Variants in TLN1 observed in about 807,000 individuals in gnomAD.
TLN1 encodes talin-1.
In TLN1, 56 loss-of-function variants were observed where a neutral mutation model predicts 292.3. That is an observed-to-expected ratio of 0.19 (90% CI 0.15 to 0.24). TLN1 has a LOEUF of 0.24. Ranked by LOEUF, TLN1 falls within the 10% of genes least tolerant of loss-of-function variation. TLN1 has a pLI of 1.00. For synonymous variants in TLN1, 1,119 were observed against 1,253.7 expected (o/e 0.89, Z 2.27); for missense variants, 2,433 against 3,248.2 (o/e 0.75, Z 6.10).
At chr9:35,723,023 G>T in intron 7 of TLN1, 102 bp from the exon 8 acceptor site, 2 of 963,816 alleles carry the variant, frequency 2.1e-6, no homozygotes, top group Non-Finnish European at 3.3e-6. Flanking sequence ...CTAGGACAGT[G>T]TTATCTTTGG....
Position 35,697,742 on chromosome 9 carries a change from G to A in TLN1, c.*49C>T. 1.2e-6 allele frequency: 2 copies of A among 1,604,916 alleles called. No individual in the cohort carries two copies. Among genetic ancestry groups the A allele is most frequent in the Non-Finnish European group, 1.7e-6 (2 of 1,174,870 alleles). On this transcript the variant is annotated 3_prime_UTR_variant, in exon 57 of 57. Coordinates refer to ENST00000314888, the MANE Select transcript of TLN1 (RefSeq NM_006289.4). ...CGACAGCCCAGAAGGCTTTGGTAGTGGCACGCACAGTCTCTGGGCCGGGTC... is the reference window on the plus strand; with the variant it reads ...CGACAGCCCAGAAGGCTTTGGTAGTAGCACGCACAGTCTCTGGGCCGGGTC...
rs150411571 is a variant in TLN1 at position 35,712,104 on chromosome 9, C to T, written c.3582G>A (p.Gln1194=). 205 of 1,613,762 alleles carry T rather than the reference C, an allele frequency of 1.3e-4. No homozygotes were observed. The highest frequency in any genetic ancestry group is 1.6e-4 in the Non-Finnish European group (193 of 1,179,916). ...RLAQVAKAVT[Q]ALNRCVSCLP... ...GGCAGCTGACACAGCGGTTCAGAGCCTGGGTCACTGCTTTAGCCACCTGGG... is the reference window on the plus strand; with the variant it reads ...GGCAGCTGACACAGCGGTTCAGAGCTTGGGTCACTGCTTTAGCCACCTGGG... Residue 1194 remains glutamine, a synonymous_variant, in exon 28 of 57, where the codon CAG becomes CAA. Coordinates refer to ENST00000314888, the MANE Select transcript of TLN1 (RefSeq NM_006289.4).
rs1490913388 is a variant in TLN1, at chr9:35,699,633, G to GT, written c.6769-173dup. ...ACACATCATGCATCACACCTCACAC[G>GT]TGATAGAGACAGTGGGGCTGTGTCA... On this transcript the variant is annotated intron_variant, in intron 50 of 56. Coordinates refer to ENST00000314888, the MANE Select transcript of TLN1 (RefSeq NM_006289.4). This position sits in a 1 kb window ranked among gnomAD's most constrained non-coding sequence, Gnocchi z 4.0. 1.0e-6 allele frequency: 1 copy of GT among 985,236 alleles called. No individual in the cohort carries two copies. Among genetic ancestry groups the GT allele is most frequent in the Non-Finnish European group, 1.2e-6 (1 of 829,930 alleles). The allele number at this position is 985,236 out of a possible 1,614,324, so 61.0% of individuals were successfully genotyped here. A position where few individuals can be genotyped will look rare whatever the true frequency, so the allele number is the denominator to read the frequency against.
chr9:35,698,504 G>A lies in TLN1; in HGVS notation c.7190C>T (p.Ala2397Val). ...GQWSQGLISAARMVAAATNNL... is the reference protein window; with the variant it reads ...GQWSQGLISAVRMVAAATNNL... ...GTTGGTGGCCGCAGCCACCATCCGG[G>A]CCTAAAGCAGGGAGAGTTTGCTTAA... The change falls in exon 55 of 57, where the codon GCC (alanine) becomes GTC (valine). Residue 2397 changes from alanine (A) to valine (V), a missense_variant and splice_region_variant. By Grantham distance (64) the Ala-to-Val change is moderately conservative. Around this residue, in one of 7 missense-constraint regions of TLN1, gnomAD observed 141 missense variants for 248.5 expected, o/e 0.57. Coordinates refer to ENST00000314888, the MANE Select transcript of TLN1 (RefSeq NM_006289.4). The surrounding 1 kb of genome is among the most constrained non-coding windows in gnomAD (Gnocchi z 5.3). 6.2e-7 allele frequency: 1 copy of A among 1,613,712 alleles called. No individual in the cohort carries two copies. The highest frequency in any genetic ancestry group is 1.3e-5 in the African/African-American group (1 of 75,024).
rs1825941909 is a variant in TLN1, at chr9:35,724,932, T to A, written c.256A>T (p.Arg86Ter). The A allele has an allele frequency of 6.2e-7, 1 of 1,614,070 alleles. No individual in the cohort carries two copies. The highest frequency in any genetic ancestry group is 8.5e-7 in the Non-Finnish European group (1 of 1,180,052). The change falls in exon 4 of 57, where the codon AGA becomes TGA. Residue 86 changes from arginine to a stop codon, truncating the protein, a stop_gained. Coordinates refer to ENST00000314888, the MANE Select transcript of TLN1 (RefSeq NM_006289.4). LOFTEE classifies it high-confidence loss of function. This position sits in a 1 kb window ranked among gnomAD's most constrained non-coding sequence, Gnocchi z 4.7. ...TCCAGCATACGGATCTTCAGGGGTC[T>A]CTGTTTCTTCCTGTACTCCATAGTG... ...GDTMEYRKKQ[R>*]PLKIRMLDGT...
In TLN1 at chr9:35,717,334, G is replaced by C; in HGVS notation, c.2270C>G (p.Ala757Gly). 1 of 1,614,160 alleles carries C rather than the reference G, an allele frequency of 6.2e-7. No individual in the cohort carries two copies. The highest frequency in any genetic ancestry group is 2.2e-5 in the East Asian group (1 of 44,886). The part of the protein sequence containing the change: ...VEGCVSASQA[A>G]TEDGQLLRGV... ...TCGCAACAGTTGCCCATCCTCTGTAGCTGCCTGGGAGGCAGACACACAGCC... is the reference window on the plus strand; with the variant it reads ...TCGCAACAGTTGCCCATCCTCTGTACCTGCCTGGGAGGCAGACACACAGCC... Residue 757 changes from alanine to glycine, a missense_variant, in exon 19 of 57, where the codon GCT becomes GGT. Around this residue, in one of 7 missense-constraint regions of TLN1, gnomAD observed 617 missense variants for 770.6 expected, o/e 0.80. Transcript: ENST00000314888. This position sits in a 1 kb window ranked among gnomAD's most constrained non-coding sequence, Gnocchi z 4.7.
rs776744554 is a variant in TLN1, at chr9:35,724,027, C to T, written c.707G>A (p.Cys236Tyr). 6.2e-7 allele frequency: 1 copy of T among 1,614,012 alleles called. No homozygotes were observed. The highest frequency in any genetic ancestry group is 8.5e-7 in the Non-Finnish European group (1 of 1,179,938). The change falls in exon 7 of 57, where the codon TGT becomes TAT. Residue 236 changes from cysteine to tyrosine, a missense_variant. Coordinates refer to ENST00000314888, the MANE Select transcript of TLN1 (RefSeq NM_006289.4). The surrounding 1 kb of genome is among the most constrained non-coding windows in gnomAD (Gnocchi z 4.7). ...GSHPVSFDKA[C>Y]EFAGFQCQIQ... is the part of the protein sequence containing the mutation. The stretch of plus-strand genomic sequence containing the variant: ...CTGGCATTGGAAGCCAGCAAACTCA[C>T]AGGCCTTGTCAAAGGAGACAGGGTG...
intron 20 of TLN1, among the ~76,000 whole-genome samples, 198 bp from the exon 21 acceptor site, chr9:35,715,385 T>C (rs180998612): frequency 7.7e-4 from 117 of 152,374 alleles, no homozygotes; most frequent in African/African-American, 2.3e-3. Context: ...GGGCTAGGAT[T>C]CCCACTGGAT....
rs764249333 is a variant in TLN1 at position 35,707,064 on chromosome 9, C to T, written c.4955+8G>A. 2 of 1,612,186 alleles carry T rather than the reference C, an allele frequency of 1.2e-6. No homozygotes were observed. Among genetic ancestry groups the T allele is most frequent in the Non-Finnish European group, 1.7e-6 (2 of 1,179,520 alleles). On this transcript the variant is annotated splice_region_variant and intron_variant, in intron 37 of 56. Coordinates refer to ENST00000314888, the MANE Select transcript of TLN1 (RefSeq NM_006289.4). This position sits in a 1 kb window ranked among gnomAD's most constrained non-coding sequence, Gnocchi z 5.6. ...CCCCAGCCACACTGGTTCCCCATCC[C>T]TCAATACCTCATGCTTGTAATTAGC...
chr9:35,726,738 T>C (rs760989725), intron 1 of TLN1, among the ~76,000 whole-genome samples: 5 of 152,142 alleles, frequency 3.3e-5, no homozygotes, highest in Non-Finnish European at 5.9e-5. Context: ...AAGCTAGAAA[T>C]GTGATTCTCT....
Position 35,719,280 on chromosome 9 carries a change from C to T in TLN1, c.1690G>A (p.Asp564Asn), listed in dbSNP as rs543975449. ...TASVVNLTAG[D>N]PAETDYTAVG... The stretch of plus-strand genomic sequence containing the variant: ...GCGGTATAGTCTGTCTCAGCAGGGT[C>T]CCCTAAGGGGAAAAGGAGAAAGAGG... Residue 564 changes from aspartate (D) to asparagine (N), a missense_variant and splice_region_variant, in exon 16 of 57, where the codon GAC becomes AAC. Asp to Asn is a conservative substitution (Grantham distance 23, BLOSUM62 1). Coordinates refer to ENST00000314888, the MANE Select transcript of TLN1 (RefSeq NM_006289.4). The surrounding 1 kb of genome is among the most constrained non-coding windows in gnomAD (Gnocchi z 4.6). 1 of 1,612,274 alleles carries T rather than the reference C, an allele frequency of 6.2e-7. No individual in the cohort carries two copies. The highest frequency in any genetic ancestry group is 1.1e-5 in the South Asian group (1 of 90,932).
Position 35,711,681 on chromosome 9 carries a change from G to A in TLN1, c.3793C>T (p.Gln1265Ter), listed in dbSNP as rs759312960. The A allele has an allele frequency of 6.2e-7, 1 of 1,614,234 alleles. No homozygotes were observed. The part of the protein sequence containing the change: ...ELVQASRGTP[Q>*]DLARASGRFG... ...CGGCCTGAGGCTCGAGCCAGGTCCT[G>A]AGGGGTTCCCCGAGAGGCCTGCACC... The change falls in exon 29 of 57, where the codon CAG becomes TAG. Residue 1265 changes from glutamine to a stop codon, truncating the protein, a stop_gained. Transcript: ENST00000314888. LOFTEE classifies it high-confidence loss of function.
Position 35,699,898 on chromosome 9 carries a change from A to C in TLN1, c.6768+76T>G. ...AGGAGATCTGAGCAAAACAGACAGC[A>C]GGGTGCGAGGCCTGCAGGAAGAGGG... On this transcript the variant is annotated intron_variant, in intron 50 of 56. Coordinates refer to ENST00000314888, the MANE Select transcript of TLN1 (RefSeq NM_006289.4). This position sits in a 1 kb window ranked among gnomAD's most constrained non-coding sequence, Gnocchi z 4.0. The C allele has an allele frequency of 7.0e-7, 1 of 1,433,064 alleles. No homozygotes were observed. The highest frequency in any genetic ancestry group is 1.3e-5 in the South Asian group (1 of 77,510). The allele number at this position is 1,433,064 out of a possible 1,614,324, so 88.8% of individuals were successfully genotyped here.
At chr9:35,721,838 C>T (rs1825883677) in intron 9 of TLN1, 35 bp from the exon 10 acceptor site, 2 of 1,599,726 alleles carry the variant, frequency 1.3e-6, no homozygotes, top group Non-Finnish European at 1.7e-6. Context: ...TGTTACAGGT[C>T]AGAGGTCAAA....
In TLN1 at chr9:35,722,917, T is replaced by G; in HGVS notation, c.787A>C (p.Lys263Gln). The part of the protein sequence containing the change: ...QKHKAGFLDL[K>Q]DFLPKEYVKQ... ...ACATACTCCTTGGGCAGGAAGTCCT[T>G]CAGGCTACACCAGAAAAGGGAGGGT... is the stretch of plus-strand genomic sequence containing the variant. The change falls in exon 8 of 57, where the codon AAG becomes CAG. Residue 263 changes from lysine (K) to glutamine (Q), a missense_variant. Around this residue, in one of 7 missense-constraint regions of TLN1, gnomAD observed 78 missense variants for 88.8 expected, o/e 0.88. Coordinates refer to ENST00000314888, the MANE Select transcript of TLN1 (RefSeq NM_006289.4). The G allele has an allele frequency of 6.2e-7, 1 of 1,613,940 alleles. No individual in the cohort carries two copies. Among genetic ancestry groups the G allele is most frequent in the Non-Finnish European group, 8.5e-7 (1 of 1,179,890 alleles).
At chr9:35,712,242 G>A (rs943992084) in intron 27 of TLN1, 118 bp from the exon 28 acceptor site, 1 of 1,353,944 alleles carries the variant, frequency 7.4e-7, no homozygotes. Context: ...AAAGAAAGGG[G>A]GCGTTGTAGG....
intron 26 of TLN1, 42 bp downstream of exon 26, chr9:35,713,154 T>C (rs1334469004): frequency 6.3e-7 from 1 of 1,580,058 alleles, no homozygotes; most frequent in South Asian, 1.1e-5. Flanking sequence ...TTTTCCTACC[T>C]CCCTCACAAT....
Position 35,721,747 on chromosome 9 carries a change from C to A in TLN1, c.1005G>T (p.Glu335Asp), listed in dbSNP as rs778932042. Residue 335 changes from glutamate to aspartate, a missense_variant, in exon 10 of 57, where the codon GAG becomes GAT. This residue lies in a region of TLN1 where 57 missense variants were observed against 136.5 expected (regional missense o/e 0.42). Transcript: ENST00000314888. ...TCTTCTCATCCACTCGCATCACACA[C>A]TCCTTGGTGATGCCCAGAAGCCTGG... The part of the protein sequence containing the change: ...LVPRLLGITK[E>D]CVMRVDEKTK... The A allele has an allele frequency of 6.2e-7, 1 of 1,613,880 alleles. No individual in the cohort carries two copies. The highest frequency in any genetic ancestry group is 2.2e-5 in the East Asian group (1 of 44,900).
rs1825442723 is a variant in TLN1, at chr9:35,700,337, G to T, written c.6514C>A (p.Pro2172Thr). 4 of 1,608,398 alleles carry T rather than the reference G, an allele frequency of 2.5e-6. No homozygotes were observed. The East Asian group carries it at 8.9e-5, about 36-fold the overall frequency. ...SPEPPAKTSTPEDFIRMTKGI... is the reference protein window; with the variant it reads ...SPEPPAKTSTTEDFIRMTKGI... ...TTGGTCATTCGGATGAAGTCTTCTG[G>T]GGTAGAGGTCTTGGCAGGTGGCTCT... is the stretch of plus-strand genomic sequence containing the variant. Residue 2172 changes from proline (P) to threonine (T), a missense_variant, in exon 49 of 57, where the codon CCA becomes ACA. Transcript: ENST00000314888.
Sources: gnomAD v4.1 joint callset for allele counts (sites outside exome capture counted in the v4.1 genomes callset) on GRCh38, gnomAD v4.1.1 for gene constraint, gnomAD v4.1.1 regional missense constraint, Gnocchi (gnomAD v3.1) non-coding constraint, MANE v1.5 for transcripts, NCBI Gene and HGNC (gene_info 2026-07-23, HGNC 2026-07-21) for gene names.